The following GSE1 variants were observed in gnomAD, a reference collection of about 807,000 sequenced individuals.
GSE1 encodes the protein genetic suppressor element 1.
A neutral mutation model predicts 112.6 loss-of-function variants in GSE1; 32 were observed. That is an observed-to-expected ratio of 0.28 (90% CI 0.21 to 0.38). The LOEUF is 0.38. Ranked by LOEUF, GSE1 falls within the 10% of genes least tolerant of loss-of-function variation. The pLI is 1.00. For synonymous variants in GSE1, 1,115 were observed against 735.6 expected (o/e 1.52, Z -8.35); for missense variants, 2,348 against 1,699.2 (o/e 1.38, Z -6.71).
intron 2 of GSE1, among the ~76,000 whole-genome samples, chr16:85,636,694 G>A (rs1173363599): frequency 6.6e-6 from 1 of 152,248 alleles, no homozygotes; most frequent in African/African-American, 2.4e-5. Flanking sequence ...TTCCCGGGGG[G>A]GGGCTGGGAG....
chr16:85,482,132 G>A (rs1006389134), intron 2 of GSE1, among the ~76,000 whole-genome samples: 1 of 152,240 alleles, frequency 6.6e-6, no homozygotes, highest in Non-Finnish European at 1.5e-5. Context: ...CTGTAGGAGG[G>A]AGGCCTTGGC....
chr16:85,465,385 C>T (rs891152989), intron 2 of GSE1, among the ~76,000 whole-genome samples: 2 of 152,220 alleles, frequency 1.3e-5, no homozygotes, highest in African/African-American at 4.8e-5. Context: ...CCTGGGCTCC[C>T]ATCTGGGTTC....
intron 2 of GSE1, among the ~76,000 whole-genome samples, chr16:85,404,995 CT>C (rs536966657): frequency 4.1e-4 from 8 of 19,436 alleles, no homozygotes; most frequent in Non-Finnish European, 4.6e-4. Flanking sequence ...CAGGGCCCCC[CT>C]GGATAATCCT....
intron 2 of GSE1, among the ~76,000 whole-genome samples, chr16:85,422,974 C>G (rs2048885271): frequency 6.6e-6 from 1 of 152,166 alleles, no homozygotes; most frequent in East Asian, 1.9e-4. Context: ...ATTGAACTTG[C>G]CTGGCTTTTA....
chr16:85,571,202 G>A (rs1003358972), intron 1 of GSE1, among the ~76,000 whole-genome samples: 2 of 152,292 alleles, frequency 1.3e-5, no homozygotes, highest in Non-Finnish European at 2.9e-5. Context: ...CCGGAGTCAC[G>A]TGCACCCTTC....
chr16:85,620,680 C>A (rs1373237713), intron 1 of GSE1, among the ~76,000 whole-genome samples: 3 of 152,274 alleles, frequency 2.0e-5, no homozygotes, highest in African/African-American at 7.2e-5. Flanking sequence ...GGGCTGGCGC[C>A]CCACTCAGCC....
chr16:85,525,096 G>A, intron 2 of GSE1, among the ~76,000 whole-genome samples: 1 of 152,200 alleles, frequency 6.6e-6, no homozygotes, highest in South Asian at 2.1e-4. Context: ...TGGCCCGGGG[G>A]GTTTCGCCAG....
intron 2 of GSE1, among the ~76,000 whole-genome samples, chr16:85,541,572 G>A (rs1449234559): frequency 6.6e-6 from 1 of 152,244 alleles, no homozygotes; most frequent in African/African-American, 2.4e-5. Flanking sequence ...GCCACTCCGT[G>A]GACAAGGCAG....
intron 2 of GSE1, among the ~76,000 whole-genome samples, chr16:85,403,203 C>T (rs1296557196): frequency 6.6e-6 from 1 of 152,142 alleles, no homozygotes; most frequent in African/African-American, 2.4e-5. Context: ...ATCAGGCAAG[C>T]CAGGGTGCGG....
intron 1 of GSE1, among the ~76,000 whole-genome samples, chr16:85,626,014 C>T (rs1008950034): frequency 1.3e-5 from 2 of 152,134 alleles, no homozygotes; most frequent in Non-Finnish European, 2.9e-5. Flanking sequence ...GGATCCTGGC[C>T]ACCTGCAAGG....
chr16:85,207,287 C>T (rs1171948796), intron 1 of GSE1, among the ~76,000 whole-genome samples: 6 of 152,358 alleles, frequency 3.9e-5, no homozygotes, highest in African/African-American at 1.2e-4. Context: ...CTCCGCTCTG[C>T]GGGCCAGGCT....
intron 1 of GSE1, among the ~76,000 whole-genome samples, chr16:85,603,898 T>C (rs779890642): frequency 1.2e-4 from 19 of 152,362 alleles, no homozygotes; most frequent in Middle Eastern, 6.8e-3. Context: ...AGTACATTCC[T>C]AATATGCAGC....
chr16:85,307,296 T>C (rs2045706214), intron 1 of GSE1, among the ~76,000 whole-genome samples: 1 of 152,216 alleles, frequency 6.6e-6, no homozygotes, highest in Admixed American at 6.5e-5. Context: ...GTTTCTTTTC[T>C]ATGTTCTCTC....
At chr16:85,369,995 C>G (rs2047261217) in intron 2 of GSE1, among the ~76,000 whole-genome samples, 1 of 152,148 alleles carries the variant, frequency 6.6e-6, no homozygotes, top group East Asian at 1.9e-4. Context: ...ACGGAGCCCC[C>G]TTGAGAGGGT....
chr16:85,304,604 G>GA (rs1555557444), intron 1 of GSE1, among the ~76,000 whole-genome samples: 3 of 135,116 alleles, frequency 2.2e-5, no homozygotes, highest in Non-Finnish European at 4.8e-5. Flanking sequence ...CCGGGGGCGG[G>GA]GGGGTGGGGC....
intron 1 of GSE1, among the ~76,000 whole-genome samples, chr16:85,184,268 A>G (rs536668219): frequency 3.9e-5 from 6 of 152,298 alleles, no homozygotes; most frequent in Admixed American, 3.9e-4. Context: ...CTCAGAACCA[A>G]TGCCTGTGGC....
chr16:85,204,502 C>G (rs775725893), intron 1 of GSE1, among the ~76,000 whole-genome samples: 3 of 152,202 alleles, frequency 2.0e-5, no homozygotes, highest in Non-Finnish European at 4.4e-5. Context: ...GTCGTGTGAG[C>G]AATTCTGTGT....
intron 1 of GSE1, among the ~76,000 whole-genome samples, chr16:85,323,765 C>T (rs150562588): frequency 6.4e-4 from 97 of 152,316 alleles, no homozygotes; most frequent in Non-Finnish European, 1.2e-3. Flanking sequence ...CTGACTTCCA[C>T]GCTCCCCCAT....
chr16:85,522,354 G>A (rs553706397), intron 2 of GSE1, among the ~76,000 whole-genome samples: 55 of 149,202 alleles, frequency 3.7e-4, no homozygotes, highest in African/African-American at 1.4e-3. Context: ...CCACCCCATA[G>A]CCCCCTGCCC....
Sources: gnomAD v4.1 joint callset for allele counts (sites outside exome capture counted in the v4.1 genomes callset) on GRCh38, gnomAD v4.1.1 for gene constraint, MANE v1.5 for transcripts, NCBI Gene and HGNC (gene_info 2026-07-23, HGNC 2026-07-21) for gene names.